Variants in C1orf116 observed in about 807,000 individuals in gnomAD.
C1orf116 encodes specifically androgen-regulated gene protein.
C1orf116 carries 12 observed loss-of-function variants against 14.1 expected under a neutral mutation model. That is an observed-to-expected ratio of 0.85 (90% CI 0.54 to 1.38). The LOEUF is 1.38. C1orf116 is among the 40% of genes most tolerant of loss of function. The pLI, the probability that C1orf116 is intolerant of heterozygous loss-of-function variation, is 0.00. For missense variants in C1orf116, 797 were observed against 747.0 expected (o/e 1.07, Z -0.78); for synonymous variants, 296 against 299.0 (o/e 0.99, Z 0.10).
chr1:207,028,259 G>C (rs1201261356), intron 1 of C1orf116, among the ~76,000 whole-genome samples: 1 of 152,150 alleles, frequency 6.6e-6, no homozygotes, highest in Non-Finnish European at 1.5e-5. Flanking sequence ...TGAAACAAGA[G>C]AAACAGGATC....
At position 207,023,023 on chromosome 1, in the gene C1orf116, C is replaced by T; in HGVS notation, c.741G>A (p.Met247Ile). 5 of 1,613,778 alleles carry T rather than the reference C, an allele frequency of 3.1e-6. No homozygotes were observed. Among genetic ancestry groups the T allele is most frequent in the Non-Finnish European group, 4.2e-6 (5 of 1,180,022 alleles). The change falls in exon 4 of 4, where the codon ATG becomes ATA. Residue 247 changes from methionine (M) to isoleucine (I), a missense_variant. Met to Ile is a conservative substitution (Grantham distance 10). Transcript: ENST00000359470. Reference sequence around the variant, plus strand: ...AGACTGTTTCCTTGGCTTTTTGGGACATGGCTTCTGAAGGAGTCTGCTCTC... The same window carrying T: ...AGACTGTTTCCTTGGCTTTTTGGGATATGGCTTCTGAAGGAGTCTGCTCTC... Reference protein sequence around the residue: ...QEREQTPSEAMSQKAKETVST... With the variant: ...QEREQTPSEAISQKAKETVST...
chr1:207,027,748 G>A (rs946468178), intron 1 of C1orf116, 69 bp from the exon 2 acceptor site: 50 of 1,423,674 alleles, frequency 3.5e-5, no homozygotes, highest in African/African-American at 5.7e-5. Context: ...GGCCCTGGGC[G>A]GCATGGCGGG....
At chr1:207,028,072 C>T (rs565848738) in intron 1 of C1orf116, among the ~76,000 whole-genome samples, 3 of 152,152 alleles carry the variant, frequency 2.0e-5, no homozygotes, top group Non-Finnish European at 4.4e-5. Flanking sequence ...TGACTTGGGG[C>T]AAATTACTCT....
chr1:207,032,184 A>G (rs954105902), intron 1 of C1orf116, among the ~76,000 whole-genome samples: 4 of 152,226 alleles, frequency 2.6e-5, no homozygotes, highest in African/African-American at 7.2e-5. Flanking sequence ...TACAGTCGCT[A>G]TGGAAAACCA....
At chr1:207,030,194 T>C (rs944596134) in intron 1 of C1orf116, among the ~76,000 whole-genome samples, 2 of 152,208 alleles carry the variant, frequency 1.3e-5, no homozygotes, top group Admixed American at 6.5e-5. Context: ...ATAGGCAGGA[T>C]GTGACGTTTT....
chr1:207,029,057 C>T (rs1269286333), intron 1 of C1orf116, among the ~76,000 whole-genome samples: 1 of 152,166 alleles, frequency 6.6e-6, no homozygotes, highest in Non-Finnish European at 1.5e-5. Context: ...GTAATAATTG[C>T]TTCCAGTGCC....
chr1:207,027,747 C>A (rs566875835), intron 1 of C1orf116, 68 bp from the exon 2 acceptor site: 9 of 1,433,658 alleles, frequency 6.3e-6, no homozygotes, highest in Middle Eastern at 2.2e-4. Context: ...AGGCCCTGGG[C>A]GGCATGGCGG....
chr1:207,022,225 G>A lies in C1orf116; in HGVS notation c.1539C>T (p.Ser513=). The stretch of plus-strand genomic sequence containing the variant: ...CACTGGGCGAGATCTTGTCCAAGAA[G>A]GAGCCCTTTCCCAGAGAAGTGCTGG... The part of the protein sequence containing the change: ...PKTSTSLGKG[S]FLDKISPSVL... Residue 513 remains serine, a synonymous_variant, in exon 4 of 4, where the codon TCC becomes TCT. Transcript: ENST00000359470. 6.2e-7 allele frequency: 1 copy of A among 1,614,068 alleles called. No homozygotes were observed. The highest frequency in any genetic ancestry group is 8.5e-7 in the Non-Finnish European group (1 of 1,180,002).
rs370261907 is a variant in C1orf116, at chr1:207,023,282, G to A, written c.482C>T (p.Pro161Leu). 27 of 1,614,088 alleles carry A rather than the reference G, an allele frequency of 1.7e-5. No individual in the cohort carries two copies. The East Asian group carries it at 3.3e-4, about 20-fold the overall frequency. Reference sequence around the variant, plus strand: ...CTCAGGCTCTGGCGCAAGCCTCCCCGGTTCTCCAGGGTTGTGACTGCTAGC... The same window carrying A: ...CTCAGGCTCTGGCGCAAGCCTCCCCAGTTCTCCAGGGTTGTGACTGCTAGC... ...TQASSHNPGE[P>L]GRLAPEPEKE... is the part of the protein sequence containing the mutation. Residue 161 changes from proline to leucine, a missense_variant, in exon 4 of 4, where the codon CCG (proline) becomes CTG (leucine). Pro to Leu is a moderately conservative substitution (Grantham distance 98). Coordinates refer to ENST00000359470, the MANE Select transcript of C1orf116 (RefSeq NM_023938.6).
Position 207,023,128 on chromosome 1 carries a change from A to G in C1orf116, c.636T>C (p.Cys212=). The G allele has an allele frequency of 6.2e-7, 1 of 1,612,744 alleles. No homozygotes were observed. The highest frequency in any genetic ancestry group is 8.5e-7 in the Non-Finnish European group (1 of 1,179,764). The stretch of plus-strand genomic sequence containing the variant: ...GCCCCTCGGGCAGGCTGGCTTCCCT[A>G]CACTGCTCTGGCTGGGTGTCCCGGA... ...EAFRDTQPEQ[C]REASLPEGPG... Residue 212 remains cysteine, a synonymous_variant, in exon 4 of 4, where the codon TGT becomes TGC. Transcript: ENST00000359470.
In C1orf116 at chr1:207,022,107, C is replaced by T. The variant is rs765417586; in HGVS notation, c.1657G>A (p.Glu553Lys). ...TAGGACAGGCGCTTGGAGCTCTGCT[C>T]CTGCTCCAGGTCAGCCAGCTTGCCT... ...QVGKLADLEQ[E>K]QSSKRLSYQG... Residue 553 changes from glutamate to lysine, a missense_variant, in exon 4 of 4, where the codon GAG becomes AAG. Physicochemically the swap from Glu to Lys is moderately conservative, Grantham distance 56. Transcript: ENST00000359470. 1.7e-5 allele frequency: 28 copies of T among 1,612,608 alleles called. No homozygotes were observed. Among genetic ancestry groups the T allele is most frequent in the Non-Finnish European group, 2.2e-5 (26 of 1,179,058 alleles).
chr1:207,031,521 G>A (rs555506634), intron 1 of C1orf116, among the ~76,000 whole-genome samples: 1 of 152,260 alleles, frequency 6.6e-6, no homozygotes, highest in East Asian at 1.9e-4. Flanking sequence ...AGGCCCTTGA[G>A]CCTGGCACTG....
Position 207,024,872 on chromosome 1 carries a change from G to C in C1orf116, c.283+15C>G. 1 of 1,603,562 alleles carries C rather than the reference G, an allele frequency of 6.2e-7. No individual in the cohort carries two copies. Among genetic ancestry groups the C allele is most frequent in the Non-Finnish European group, 8.5e-7 (1 of 1,171,118 alleles). Reference sequence around the variant, plus strand: ...TGGGTTTTGCTGGGGTTCCACCCCAGAGGGTCTGCCTTACCCCGGGGAGTG... The same window carrying C: ...TGGGTTTTGCTGGGGTTCCACCCCACAGGGTCTGCCTTACCCCGGGGAGTG... On this transcript the variant is annotated intron_variant, in intron 3 of 3. Coordinates refer to ENST00000359470, the MANE Select transcript of C1orf116 (RefSeq NM_023938.6).
intron 1 of C1orf116, among the ~76,000 whole-genome samples, chr1:207,029,603 G>A (rs926000402): frequency 3.3e-5 from 5 of 152,160 alleles, no homozygotes; most frequent in Non-Finnish European, 7.3e-5. Flanking sequence ...CTGTTCTAGG[G>A]TCTATTAGGT....
Position 207,027,795 on chromosome 1 carries a change from A to G in C1orf116, c.-81-116T>C, listed in dbSNP as rs1056336058. The G allele has an allele frequency of 7.4e-6, 9 of 1,210,838 alleles. No individual in the cohort carries two copies. The African/African-American group carries it at 7.7e-5, about 10-fold the overall frequency. The allele number at this position is 1,210,838 out of a possible 1,614,324, so 75.0% of individuals were successfully genotyped here. A position where few individuals can be genotyped will look rare whatever the true frequency, so the allele number is the denominator to read the frequency against. ...GCAAGCAGAGAGCTGGAAGGGGGGC[A>G]TGAACAGCCACTGCCCGACACCCCC... On this transcript the variant is annotated intron_variant, in intron 1 of 3. Transcript: ENST00000359470.
intron 1 of C1orf116, among the ~76,000 whole-genome samples, chr1:207,030,670 C>T (rs1682217151): frequency 6.6e-6 from 1 of 152,108 alleles, no homozygotes; most frequent in Non-Finnish European, 1.5e-5. Context: ...TTCCTTTCAC[C>T]GACTTCACAA....
At chr1:207,029,661 C>T (rs1354888827) in intron 1 of C1orf116, among the ~76,000 whole-genome samples, 2 of 152,180 alleles carry the variant, frequency 1.3e-5, no homozygotes, top group African/African-American at 2.4e-5. Flanking sequence ...TAACTGTCAG[C>T]TTTTACTTAA....
At chr1:207,026,859 G>A (rs1013039124) in intron 2 of C1orf116, among the ~76,000 whole-genome samples, 3 of 152,176 alleles carry the variant, frequency 2.0e-5, no homozygotes, top group Admixed American at 2.0e-4. Context: ...CAGTGACTTT[G>A]GAAGATTCTC....
At chr1:207,023,538 G>A (rs1681959288) in intron 3 of C1orf116, 58 bp from the exon 4 acceptor site, 3 of 1,516,368 alleles carry the variant, frequency 2.0e-6, no homozygotes, top group Non-Finnish European at 1.8e-6. Context: ...ACAGAGGTGA[G>A]GGCCCTGCTG....
Sources: gnomAD v4.1 joint callset for allele counts (sites outside exome capture counted in the v4.1 genomes callset) on GRCh38, gnomAD v4.1.1 for gene constraint, MANE v1.5 for transcripts, NCBI Gene and HGNC (gene_info 2026-07-23, HGNC 2026-07-21) for gene names.